LRRC8D: variants seen among roughly 807,000 people sequenced by gnomAD.
LRRC8D encodes the protein leucine rich repeat containing 8 VRAC subunit D.
LRRC8D carries 20 observed loss-of-function variants against 55.8 expected under a neutral mutation model. The observed-to-expected ratio is 0.36, with a 90% CI of 0.25 to 0.52. The LOEUF is 0.52. LRRC8D is among the 20% of genes least tolerant of loss of function. The probability of loss-of-function intolerance (pLI) is 0.93; values close to 1 mark genes in which losing one functional copy is unlikely to be tolerated. For missense variants in LRRC8D, 651 were observed against 1,030.8 expected (o/e 0.63, Z 5.05); for synonymous variants, 352 against 377.0 (o/e 0.93, Z 0.77).
intron 2 of LRRC8D, among the ~76,000 whole-genome samples, chr1:89,855,423 A>G (rs1661528392): frequency 6.6e-6 from 1 of 152,238 alleles, no homozygotes; most frequent in African/African-American, 2.4e-5. Flanking sequence ...TCCAGAGATT[A>G]TTGTAATAAT....
chr1:89,845,424 G>T (rs1379707685), intron 2 of LRRC8D, among the ~76,000 whole-genome samples: 1 of 152,148 alleles, frequency 6.6e-6, no homozygotes, highest in Non-Finnish European at 1.5e-5. Context: ...TGAAAAGTGA[G>T]AAAGTAATCG....
intron 2 of LRRC8D, among the ~76,000 whole-genome samples, chr1:89,923,181 AT>A (rs1663466783): frequency 6.6e-6 from 1 of 152,182 alleles, no homozygotes; most frequent in Non-Finnish European, 1.5e-5. Context: ...TGTTAAGCTG[AT>A]TTTCATGTGT....
intron 1 of LRRC8D, among the ~76,000 whole-genome samples, chr1:89,842,330 C>A (rs1246944195): frequency 6.6e-6 from 1 of 151,850 alleles, no homozygotes; most frequent in Non-Finnish European, 1.5e-5. Context: ...TGACCACTTT[C>A]TGCCAGAGCC....
chr1:89,823,360 GA>G (rs1178037330), intron 1 of LRRC8D, among the ~76,000 whole-genome samples: 1 of 151,924 alleles, frequency 6.6e-6, no homozygotes, highest in Non-Finnish European at 1.5e-5. Flanking sequence ...AAAGAAAAAA[GA>G]AAAAAACTAG....
chr1:89,914,775 A>C (rs1663219487), intron 2 of LRRC8D, among the ~76,000 whole-genome samples: 1 of 149,494 alleles, frequency 6.7e-6, no homozygotes, highest in Non-Finnish European at 1.5e-5. Flanking sequence ...ATGGGGTCTT[A>C]CTATGTTCCC....
rs760195492 is a variant in LRRC8D, at chr1:89,934,204, T to A, written c.1136T>A (p.Ile379Asn). The change falls in exon 3 of 3, where the codon ATC becomes AAC. Residue 379 changes from isoleucine to asparagine, a missense_variant. By Grantham distance (149) the Ile-to-Asn change is moderately radical (BLOSUM62 -3). This residue lies in a region of LRRC8D where 178 missense variants were observed against 374.9 expected (regional missense o/e 0.47). Transcript: ENST00000337338. The surrounding 1 kb of genome is among the most constrained non-coding windows in gnomAD (Gnocchi z 5.9). ...YISIICVYGF[I>N]CLYTLFWLFR... Reference sequence around the variant, plus strand: ...TCCATTATTTGTGTTTATGGCTTTATCTGCCTCTACACTCTCTTCTGGTTA... The same window carrying A: ...TCCATTATTTGTGTTTATGGCTTTAACTGCCTCTACACTCTCTTCTGGTTA... The A allele has an allele frequency of 6.2e-7, 1 of 1,614,182 alleles. No individual in the cohort carries two copies. Among genetic ancestry groups the A allele is most frequent in the East Asian group, 2.2e-5 (1 of 44,880 alleles).
intron 1 of LRRC8D, among the ~76,000 whole-genome samples, chr1:89,822,573 T>G (rs1276595610): frequency 6.6e-6 from 1 of 152,194 alleles, no homozygotes; most frequent in African/African-American, 2.4e-5. Context: ...ACCTATTACG[T>G]GGTTTGTACC....
intron 1 of LRRC8D, among the ~76,000 whole-genome samples, chr1:89,826,246 AT>A (rs1322057151): frequency 0.011 from 4 of 370 alleles, no homozygotes; most frequent in Non-Finnish European, 0.068. Flanking sequence ...CAACCCTTAA[AT>A]TTTATTTTAT....
chr1:89,882,294 G>C (rs530643343), intron 2 of LRRC8D, among the ~76,000 whole-genome samples: 1 of 152,372 alleles, frequency 6.6e-6, no homozygotes, highest in African/African-American at 2.4e-5. Context: ...TATCCCTGCT[G>C]TCATGGTAAT....
At chr1:89,922,985 AT>A (rs1402793988) in intron 2 of LRRC8D, among the ~76,000 whole-genome samples, 2 of 152,026 alleles carry the variant, frequency 1.3e-5, no homozygotes, top group African/African-American at 2.4e-5. Context: ...ACTGTTACTG[AT>A]TTTTTTTCAT....
chr1:89,863,006 C>T (rs369256381), intron 2 of LRRC8D, among the ~76,000 whole-genome samples: 6 of 152,216 alleles, frequency 3.9e-5, no homozygotes, highest in Middle Eastern at 3.4e-3. Context: ...AATAAATTCT[C>T]ATATAAAGAA....
At position 89,934,448 on chromosome 1, in the gene LRRC8D, C is replaced by T; in HGVS notation, c.1380C>T (p.Leu460=). 1 of 1,614,152 alleles carries T rather than the reference C, an allele frequency of 6.2e-7. No individual in the cohort carries two copies. Among genetic ancestry groups the T allele is most frequent in the Non-Finnish European group, 8.5e-7 (1 of 1,180,032 alleles). Residue 460 remains leucine (L), a synonymous_variant, in exon 3 of 3, where the codon CTC becomes CTT. Transcript: ENST00000337338. The surrounding 1 kb of genome is among the most constrained non-coding windows in gnomAD (Gnocchi z 5.9). The part of the protein sequence containing the change: ...SLNHEWTFEK[L]RQHISRNAQD... ...ACCATGAGTGGACATTTGAAAAACTCAGGCAGCACATTTCACGCAACGCCC... is the reference window on the plus strand; with the variant it reads ...ACCATGAGTGGACATTTGAAAAACTTAGGCAGCACATTTCACGCAACGCCC...
intron 2 of LRRC8D, among the ~76,000 whole-genome samples, chr1:89,918,429 T>C (rs1303976400): frequency 6.6e-6 from 1 of 152,224 alleles, no homozygotes; most frequent in East Asian, 1.9e-4. Flanking sequence ...CCATGGTCCA[T>C]GCAATGCAGA....
Position 89,934,948 on chromosome 1 carries a change from T to G in LRRC8D, c.1880T>G (p.Val627Gly). The change falls in exon 3 of 3, where the codon GTA becomes GGA. Residue 627 changes from valine to glycine, a missense_variant. Val to Gly is a moderately radical substitution (Grantham distance 109). Transcript: ENST00000337338. This position sits in a 1 kb window ranked among gnomAD's most constrained non-coding sequence, Gnocchi z 5.9. ...VIHNDGTKLL[V>G]LNSLKKMMNV... ...CATAATGACGGCACTAAACTCTTGGTACTGAACAGCCTTAAGAAAATGATG... is the reference window on the plus strand; with the variant it reads ...CATAATGACGGCACTAAACTCTTGGGACTGAACAGCCTTAAGAAAATGATG... The G allele has an allele frequency of 6.2e-7, 1 of 1,614,130 alleles. No homozygotes were observed.
chr1:89,893,142 A>G (rs1662621913), intron 2 of LRRC8D, among the ~76,000 whole-genome samples: 1 of 152,194 alleles, frequency 6.6e-6, no homozygotes, highest in African/African-American at 2.4e-5. Context: ...CTATGAAGAA[A>G]TGAAATGAGA....
chr1:89,917,865 T>A lies in LRRC8D; in HGVS notation c.-2-15202T>A, dbSNP rs114470985. ...TTAACCTTTCACTGCATGGCAAATC[T>A]ACCTCAGCCTGTACCTCTTGTTGGT... is the stretch of plus-strand genomic sequence containing the variant. On this transcript the variant is annotated intron_variant, in intron 2 of 2. Coordinates refer to ENST00000337338, the MANE Select transcript of LRRC8D (RefSeq NM_001134479.2). Among the ~76,000 whole-genome samples, 619 of 152,324 alleles carry A rather than the reference T, an allele frequency of 4.1e-3. 2 individuals are homozygous for A. The highest frequency in any genetic ancestry group is 0.014 in the African/African-American group (599 of 41,570).
intron 2 of LRRC8D, among the ~76,000 whole-genome samples, chr1:89,905,675 T>C (rs17445904): frequency 0.13 from 19,800 of 152,166 alleles, 1,682 homozygotes; most frequent in Non-Finnish European, 0.18. Context: ...ATCCCTGAAT[T>C]AGATAAAACT....
chr1:89,823,841 T>G (rs565444594), intron 1 of LRRC8D, among the ~76,000 whole-genome samples: 6 of 152,284 alleles, frequency 3.9e-5, no homozygotes, highest in African/African-American at 1.4e-4. Context: ...GATAAAAGTT[T>G]ATGAAGTATG....
intron 2 of LRRC8D, among the ~76,000 whole-genome samples, chr1:89,870,431 G>A (rs1288210611): frequency 2.6e-5 from 4 of 151,996 alleles, no homozygotes; most frequent in African/African-American, 9.7e-5. Flanking sequence ...AGCCAAGATC[G>A]TGTCACTGCA....
Sources: allele counts gnomAD v4.1 joint callset (sites outside exome capture counted in the v4.1 genomes callset), GRCh38; gene constraint gnomAD v4.1.1; regional missense constraint gnomAD v4.1.1; non-coding constraint Gnocchi (gnomAD v3.1); transcripts MANE v1.5; gene names NCBI Gene and HGNC (gene_info 2026-07-23, HGNC 2026-07-21).